CNTN4: variants seen among roughly 807,000 people sequenced by gnomAD.
The protein encoded by CNTN4 is contactin-4.
In CNTN4, 77 loss-of-function variants were observed where a neutral mutation model predicts 122.5. The ratio of observed to expected loss-of-function variants is 0.63; its 90% CI spans 0.52 to 0.76. The LOEUF is 0.76. CNTN4 is among the 30% of genes least tolerant of loss of function. The pLI is 0.00. For synonymous variants in CNTN4, 512 were observed against 447.0 expected (o/e 1.15, Z -1.83); for missense variants, 1,256 against 1,259.1 (o/e 1.00, Z 0.04).
At chr3:2,962,211 G>A (rs6782080) in intron 13 of CNTN4, among the ~76,000 whole-genome samples, 65,396 of 151,966 alleles carry the variant, frequency 0.43, 14,364 homozygotes, top group East Asian at 0.65. Context: ...GGAGAATTAT[G>A]CCCCTTAGGG....
At position 2,736,109 on chromosome 3, in the gene CNTN4, T is replaced by C. The variant is rs1004389005; in HGVS notation, c.56-106T>C. The C allele has an allele frequency of 1.1e-4, 135 of 1,198,952 alleles. 1 individual carries two copies. In the African/African-American group the frequency reaches 1.8e-3, roughly 16 times the overall value. The allele number at this position is 1,198,952 out of a possible 1,614,324, so 74.3% of individuals were successfully genotyped here. ...AAACACAGCCTGTTGTGCCTTACTA[T>C]TTTTTGTTAATTTCTTTCTATTATT... is the stretch of plus-strand genomic sequence containing the variant. On this transcript the variant is annotated intron_variant, in intron 4 of 24. Coordinates refer to ENST00000418658, the MANE Select transcript of CNTN4 (RefSeq NM_175607.3).
At chr3:2,436,430 C>T (rs914830875) in intron 3 of CNTN4, among the ~76,000 whole-genome samples, 4 of 152,054 alleles carry the variant, frequency 2.6e-5, no homozygotes, top group Non-Finnish European at 5.9e-5. Flanking sequence ...AAGGTATGAC[C>T]TTCCTAATCA....
At chr3:2,810,134 G>C (rs1177715273) in intron 6 of CNTN4, among the ~76,000 whole-genome samples, 1 of 152,112 alleles carries the variant, frequency 6.6e-6, no homozygotes, top group African/African-American at 2.4e-5. Context: ...AGGGACTTCT[G>C]GGTCGGGAAA....
chr3:2,981,058 C>G (rs777032886), intron 13 of CNTN4, among the ~76,000 whole-genome samples: 1 of 152,250 alleles, frequency 6.6e-6, no homozygotes, highest in African/African-American at 2.4e-5. Context: ...CACCCATGCA[C>G]GCTTCCAGCT....
At position 2,981,766 on chromosome 3, in the gene CNTN4, C is replaced by T. The variant is rs192504006; in HGVS notation, c.1359-6579C>T. Among the ~76,000 whole-genome samples the T allele has an allele frequency of 3.3e-3, 499 of 152,184 alleles. 2 individuals carry two copies. Among genetic ancestry groups the T allele is most frequent in the Middle Eastern group, 6.8e-3 (2 of 294 alleles). ...TATAAAAATCCCATAAAACATTGGC[C>T]GAGTGTGGTGGCTCACTCCTGGCAT... On this transcript the variant is annotated intron_variant, in intron 13 of 24. Coordinates refer to ENST00000418658, the MANE Select transcript of CNTN4 (RefSeq NM_175607.3).
Position 2,705,045 on chromosome 3 carries a change from A to G in CNTN4, c.56-31170A>G, listed in dbSNP as rs1435035784. On this transcript the variant is annotated intron_variant, in intron 4 of 24. Transcript: ENST00000418658. The stretch of plus-strand genomic sequence containing the variant: ...GACATACATATGTGTGTATATATAT[A>G]TATTTATTAATTATTAATTTGTTAT... Among the ~76,000 whole-genome samples the G allele has an allele frequency of 4.6e-5, 7 of 151,774 alleles. No individual in the cohort carries two copies. The East Asian group carries it at 1.3e-3, about 29-fold the overall frequency.
intron 3 of CNTN4, among the ~76,000 whole-genome samples, chr3:2,384,755 T>TGTGTGC (rs1447673610): frequency 1.8e-4 from 24 of 130,448 alleles, no homozygotes; most frequent in African/African-American, 6.3e-4. Flanking sequence ...AACAACTCAA[T>TGTGTGC]GTGTGCGTGT....
chr3:2,861,802 T>G (rs980004012), intron 7 of CNTN4, among the ~76,000 whole-genome samples: 10 of 152,326 alleles, frequency 6.6e-5, no homozygotes, highest in African/African-American at 2.4e-4. Context: ...GGATCTTTCT[T>G]TCCTTATTTG....
At chr3:2,351,049 T>G (rs1294159990) in intron 3 of CNTN4, among the ~76,000 whole-genome samples, 2 of 152,210 alleles carry the variant, frequency 1.3e-5, no homozygotes, top group African/African-American at 4.8e-5. Context: ...GATTCTGTAT[T>G]TGTAAAAGTT....
chr3:2,459,953 C>A (rs2049141398), intron 3 of CNTN4, among the ~76,000 whole-genome samples: 1 of 152,030 alleles, frequency 6.6e-6, no homozygotes, highest in African/African-American at 2.4e-5. Context: ...TCTGCTAAAC[C>A]CAGGCATTGC....
intron 8 of CNTN4, among the ~76,000 whole-genome samples, chr3:2,880,889 G>A (rs188783194): frequency 1.4e-3 from 212 of 152,194 alleles, no homozygotes; most frequent in African/African-American, 3.8e-3. Flanking sequence ...CCTATGGAGG[G>A]ATAAGCGTCC....
At chr3:2,610,660 A>C (rs1369746846) in intron 4 of CNTN4, among the ~76,000 whole-genome samples, 2 of 152,234 alleles carry the variant, frequency 1.3e-5, no homozygotes, top group African/African-American at 2.4e-5. Context: ...TAGGTAGAGA[A>C]CAGACCATGG....
At chr3:2,364,842 A>G (rs1019642716) in intron 3 of CNTN4, among the ~76,000 whole-genome samples, 1 of 152,190 alleles carries the variant, frequency 6.6e-6, no homozygotes, top group Non-Finnish European at 1.5e-5. Context: ...TTGCCATGAC[A>G]ATATCAAGTC....
intron 13 of CNTN4, among the ~76,000 whole-genome samples, chr3:2,955,091 G>C (rs1353924767): frequency 6.6e-6 from 1 of 152,102 alleles, no homozygotes; most frequent in African/African-American, 2.4e-5. Flanking sequence ...AAGAGGGCAA[G>C]TCTGCCATGA....
intron 2 of CNTN4, among the ~76,000 whole-genome samples, chr3:2,141,612 A>G (rs2034999782): frequency 6.6e-6 from 1 of 152,162 alleles, no homozygotes; most frequent in South Asian, 2.1e-4. Context: ...TAGGAAATGA[A>G]TACAGCTATA....
intron 13 of CNTN4, among the ~76,000 whole-genome samples, chr3:2,965,019 A>ACCCTTTC (rs1470224862): frequency 2.6e-5 from 4 of 152,200 alleles, no homozygotes; most frequent in African/African-American, 4.8e-5. Flanking sequence ...TGTAAATGGA[A>ACCCTTTC]TGATTGGCCC....
chr3:2,570,356 C>T (rs1208512405), intron 3 of CNTN4, among the ~76,000 whole-genome samples: 7 of 151,612 alleles, frequency 4.6e-5, no homozygotes, highest in Admixed American at 2.6e-4. Context: ...AAAAATTTTC[C>T]GTAAAGGTGG....
intron 12 of CNTN4, among the ~76,000 whole-genome samples, chr3:2,916,599 T>A (rs1464603889): frequency 3.2e-5 from 4 of 125,282 alleles, no homozygotes; most frequent in South Asian, 2.8e-4. Context: ...CATGTCTACT[T>A]CTTTCTACAC....
At chr3:2,496,446 A>G (rs1178218806) in intron 3 of CNTN4, among the ~76,000 whole-genome samples, 2 of 152,182 alleles carry the variant, frequency 1.3e-5, no homozygotes, top group East Asian at 3.9e-4. Context: ...ATAAAAATAT[A>G]ACATTTATTA....
Sources: allele counts gnomAD v4.1 joint callset (sites outside exome capture counted in the v4.1 genomes callset), GRCh38; gene constraint gnomAD v4.1.1; transcripts MANE v1.5; gene names NCBI Gene and HGNC (gene_info 2026-07-23, HGNC 2026-07-21).